DLGAP1: variants seen among roughly 807,000 people sequenced by gnomAD.
The protein encoded by DLGAP1 is DLG associated protein 1.
A neutral mutation model predicts 90.8 loss-of-function variants in DLGAP1; 11 were observed. That is an observed-to-expected ratio of 0.12 (90% CI 0.08 to 0.20). The LOEUF is 0.20. DLGAP1 is among the 10% of genes least tolerant of loss of function. The pLI is 1.00. For missense variants in DLGAP1, 1,050 were observed against 1,333.8 expected (o/e 0.79, Z 3.31); for synonymous variants, 558 against 540.7 (o/e 1.03, Z -0.44).
chr18:4,284,883 G>A (rs2079646506), intron 1 of DLGAP1, among the ~76,000 whole-genome samples: 1 of 152,174 alleles, frequency 6.6e-6, no homozygotes, highest in South Asian at 2.1e-4. Context: ...ATGCAAATTG[G>A]ACCCTATCTG....
intron 2 of DLGAP1, among the ~76,000 whole-genome samples, chr18:4,024,340 AG>A (rs1417834820): frequency 6.6e-5 from 10 of 152,178 alleles, no homozygotes; most frequent in Non-Finnish European, 1.5e-4. Context: ...CCATCCTCGT[AG>A]GATCCCCACT....
intron 2 of DLGAP1, among the ~76,000 whole-genome samples, chr18:4,128,093 C>T (rs773235086): frequency 1.2e-4 from 19 of 152,158 alleles, no homozygotes; most frequent in Non-Finnish European, 2.4e-4. Context: ...TTCTATGTCA[C>T]TAGAGAAAAT....
chr18:4,047,229 C>CA (rs1177851454), intron 2 of DLGAP1, among the ~76,000 whole-genome samples: 1 of 152,138 alleles, frequency 6.6e-6, no homozygotes, highest in Non-Finnish European at 1.5e-5. Flanking sequence ...AATTTTCAGA[C>CA]AAATAAAATG....
At chr18:4,297,761 A>G (rs1055865830) in intron 1 of DLGAP1, among the ~76,000 whole-genome samples, 3 of 151,940 alleles carry the variant, frequency 2.0e-5, no homozygotes, top group Non-Finnish European at 4.4e-5. Flanking sequence ...TCTCTCTCTC[A>G]ATCTCTCTCT....
intron 1 of DLGAP1, among the ~76,000 whole-genome samples, chr18:4,390,448 A>C (rs1270857012): frequency 6.6e-6 from 1 of 151,994 alleles, no homozygotes; most frequent in East Asian, 1.9e-4. Context: ...AAAATGTATA[A>C]TGACATGTGT....
chr18:4,236,842 T>C (rs995540414), intron 1 of DLGAP1, among the ~76,000 whole-genome samples: 1 of 152,194 alleles, frequency 6.6e-6, no homozygotes, highest in Non-Finnish European at 1.5e-5. Context: ...AGGTCTTCTA[T>C]TCTTATTCCT....
At chr18:4,054,639 T>C (rs1334008177) in intron 2 of DLGAP1, among the ~76,000 whole-genome samples, 2 of 152,194 alleles carry the variant, frequency 1.3e-5, no homozygotes, top group South Asian at 2.1e-4. Flanking sequence ...TTGGAGTTTT[T>C]CTCAGAAATT....
intron 1 of DLGAP1, among the ~76,000 whole-genome samples, chr18:4,363,617 AAAG>A (rs1266777062): frequency 3.3e-5 from 5 of 152,228 alleles, no homozygotes; most frequent in African/African-American, 9.6e-5. Flanking sequence ...ACACTTCTCA[AAAG>A]AAGACATTTA....
intron 1 of DLGAP1, among the ~76,000 whole-genome samples, chr18:4,287,174 T>TA (rs2079719882): frequency 1.3e-5 from 2 of 152,164 alleles, no homozygotes; most frequent in Non-Finnish European, 2.9e-5. Flanking sequence ...CATATAAACG[T>TA]AAGTCTGAGA....
intron 1 of DLGAP1, among the ~76,000 whole-genome samples, chr18:4,246,960 A>T (rs2078665139): frequency 6.6e-6 from 1 of 152,140 alleles, no homozygotes; most frequent in Non-Finnish European, 1.5e-5. Flanking sequence ...CCCATGAGAG[A>T]TAAGCTCTCT....
intron 1 of DLGAP1, among the ~76,000 whole-genome samples, chr18:4,391,145 T>C (rs752714438): frequency 5.3e-5 from 8 of 152,210 alleles, no homozygotes; most frequent in Admixed American, 5.2e-4. Context: ...AACAGACATA[T>C]ATATTTCCCA....
At chr18:4,377,769 T>C (rs1234735269) in intron 1 of DLGAP1, among the ~76,000 whole-genome samples, 2 of 152,242 alleles carry the variant, frequency 1.3e-5, no homozygotes, top group Admixed American at 6.5e-5. Flanking sequence ...GCTTATCTCA[T>C]ACACTGTTGG....
chr18:3,665,366 T>A (rs1224589175), intron 7 of DLGAP1, among the ~76,000 whole-genome samples: 1 of 152,056 alleles, frequency 6.6e-6, no homozygotes, highest in Admixed American at 6.6e-5. Flanking sequence ...GCTCTCAGTA[T>A]TATTTTCTTA....
intron 1 of DLGAP1, among the ~76,000 whole-genome samples, chr18:4,332,554 C>T (rs1033161469): frequency 6.6e-6 from 1 of 151,812 alleles, no homozygotes; most frequent in African/African-American, 2.4e-5. Context: ...TTCCTTAGGC[C>T]TCATCCAAAG....
chr18:4,344,202 A>G (rs2081260688), intron 1 of DLGAP1, among the ~76,000 whole-genome samples: 1 of 152,208 alleles, frequency 6.6e-6, no homozygotes. Context: ...AGTAGCTAAC[A>G]TGTATTGGGT....
At chr18:3,801,591 T>C (rs2066295321) in intron 5 of DLGAP1, among the ~76,000 whole-genome samples, 3 of 152,226 alleles carry the variant, frequency 2.0e-5, no homozygotes, top group Non-Finnish European at 4.4e-5. Context: ...TTGTATAACC[T>C]AGTTAATAAT....
chr18:4,009,036 T>C (rs2074364340), intron 2 of DLGAP1, among the ~76,000 whole-genome samples: 2 of 152,334 alleles, frequency 1.3e-5, no homozygotes, highest in Admixed American at 6.5e-5. Flanking sequence ...TTGGAGTAGC[T>C]GGAACTGCAA....
intron 1 of DLGAP1, among the ~76,000 whole-genome samples, chr18:4,311,006 T>A (rs8093823): frequency 0.48 from 72,765 of 152,034 alleles, 19,387 homozygotes; most frequent in African/African-American, 0.72. Context: ...CTAAATGCAC[T>A]TTTACTCTAT....
At position 3,974,815 on chromosome 18, in the gene DLGAP1, C is replaced by T. The variant is rs372886520; in HGVS notation, c.-73+30301G>A. Among the ~76,000 whole-genome samples, 32 of 152,016 alleles carry T rather than the reference C, an allele frequency of 2.1e-4. No homozygotes were observed. The East Asian group carries it at 4.1e-3, about 19-fold the overall frequency. ...ATAAATAAAAAATATAAAAGCAATA[C>T]ATAGCATGGAATATTATTCAGTCTT... On this transcript the variant is annotated intron_variant, in intron 3 of 12. Coordinates refer to ENST00000315677, the MANE Select transcript of DLGAP1 (RefSeq NM_004746.4).
Sources: allele counts gnomAD v4.1 joint callset (sites outside exome capture counted in the v4.1 genomes callset), GRCh38; gene constraint gnomAD v4.1.1; transcripts MANE v1.5; gene names NCBI Gene and HGNC (gene_info 2026-07-23, HGNC 2026-07-21).